Variants in NINL observed in about 807,000 individuals in gnomAD.
The protein encoded by NINL is ninein like.
Under a neutral mutation model 160.3 loss-of-function variants are expected in NINL, and 153 were observed. That is an observed-to-expected ratio of 0.95 (90% CI 0.84 to 1.09). The LOEUF is 1.09. NINL is among the 50% of genes least tolerant of loss of function. The pLI is 0.00. For missense variants in NINL, 1,829 were observed against 1,764.0 expected, an observed-to-expected ratio of 1.04 and a Z score of -0.66; for synonymous variants, 800 against 734.8, an observed-to-expected ratio of 1.09 and a Z score of -1.43.
chr20:25,484,826 T>C (rs2063475580), intron 13 of NINL, among the ~76,000 whole-genome samples: 1 of 152,210 alleles, frequency 6.6e-6, no homozygotes, highest in South Asian at 2.1e-4. Flanking sequence ...AGGCAGTATA[T>C]TTGCATGGTC....
intron 1 of NINL, among the ~76,000 whole-genome samples, chr20:25,550,661 G>A (rs904589626): frequency 6.6e-6 from 1 of 152,178 alleles, no homozygotes; most frequent in Non-Finnish European, 1.5e-5. Context: ...GTGCCTGGAT[G>A]TGCACATAGG....
intron 5 of NINL, among the ~76,000 whole-genome samples, chr20:25,506,219 T>C (rs2063959725): frequency 6.6e-6 from 1 of 152,172 alleles, no homozygotes; most frequent in Admixed American, 6.5e-5. Context: ...CGAGGTCACA[T>C]CACTGCACTC....
intron 1 of NINL, among the ~76,000 whole-genome samples, chr20:25,541,581 C>T (rs1169830295): frequency 6.6e-6 from 1 of 152,146 alleles, no homozygotes; most frequent in Admixed American, 6.5e-5. Flanking sequence ...ATATGTGTAT[C>T]TATATAATTA....
At chr20:25,530,267 T>C (rs2146983806) in intron 1 of NINL, among the ~76,000 whole-genome samples, 1 of 152,310 alleles carries the variant, frequency 6.6e-6, no homozygotes, top group East Asian at 1.9e-4. Flanking sequence ...GACACACATG[T>C]ATTTTCACAT....
At chr20:25,554,628 AAAAAAAAC>A (rs1268617894) in intron 1 of NINL, among the ~76,000 whole-genome samples, 1,295 of 29,808 alleles carry the variant, frequency 0.043, 30 homozygotes, top group East Asian at 0.21. Context: ...CTTTACCAAA[AAAAAAAAC>A]AAAAAAAAAA....
intron 1 of NINL, among the ~76,000 whole-genome samples, chr20:25,528,929 C>T (rs1214444050): frequency 2.0e-5 from 3 of 152,142 alleles, no homozygotes; most frequent in Non-Finnish European, 4.4e-5. Flanking sequence ...CAGTAAATGC[C>T]AGTTCTATAT....
chr20:25,545,929 A>G (rs1396008550), intron 1 of NINL, among the ~76,000 whole-genome samples: 1 of 152,020 alleles, frequency 6.6e-6, no homozygotes, highest in Non-Finnish European at 1.5e-5. Flanking sequence ...GAGGCTCCCT[A>G]AGTATAATGA....
Position 25,469,620 on chromosome 20 carries a change from G to A in NINL, c.3353+371C>T, listed in dbSNP as rs570462283. Reference sequence around the variant, plus strand: ...CTGTTATCAGGAGAGGATCCTAGGAGCACCTCTGACCCCTACAGACACTGT... The same window carrying A: ...CTGTTATCAGGAGAGGATCCTAGGAACACCTCTGACCCCTACAGACACTGT... On this transcript the variant is annotated intron_variant, in intron 18 of 23. Transcript: ENST00000278886. Among the ~76,000 whole-genome samples, 79 of 152,194 alleles carry A rather than the reference G, an allele frequency of 5.2e-4. 2 individuals carry two copies. The highest frequency in any genetic ancestry group is 5.1e-3 in the Admixed American group (78 of 15,288).
chr20:25,539,514 G>A (rs979963581), intron 1 of NINL, among the ~76,000 whole-genome samples: 43 of 152,272 alleles, frequency 2.8e-4, no homozygotes, highest in African/African-American at 1.0e-3. Flanking sequence ...CGCTCCATAC[G>A]GAGACTGCTG....
chr20:25,509,834 G>A (rs1207783673), intron 5 of NINL: 1 of 406,176 alleles, frequency 2.5e-6, no homozygotes, highest in Non-Finnish European at 4.8e-6. Flanking sequence ...TAATGTCAAG[G>A]AAGTATTATA....
At chr20:25,583,673 G>C (rs997864560) in intron 1 of NINL, among the ~76,000 whole-genome samples, 1 of 152,102 alleles carries the variant, frequency 6.6e-6, no homozygotes, top group South Asian at 2.1e-4. Flanking sequence ...ACACATAAAC[G>C]TGTATGTTTA....
intron 5 of NINL, among the ~76,000 whole-genome samples, chr20:25,510,040 A>C (rs929975076): frequency 1.3e-5 from 2 of 152,236 alleles, no homozygotes; most frequent in Non-Finnish European, 1.5e-5. Context: ...TTATCTTCCC[A>C]AAATGCCAGA....
At chr20:25,457,051 C>A (rs930976062) in intron 22 of NINL, among the ~76,000 whole-genome samples, 1 of 150,842 alleles carries the variant, frequency 6.6e-6, no homozygotes, top group East Asian at 2.0e-4. Flanking sequence ...CAGGGCCGGG[C>A]GCAGTGGCTC....
At position 25,453,621 on chromosome 20, in the gene NINL, C is replaced by A; in HGVS notation, c.3979G>T (p.Asp1327Tyr). 2 of 1,607,966 alleles carry A rather than the reference C, an allele frequency of 1.2e-6. No homozygotes were observed. Among genetic ancestry groups the A allele is most frequent in the South Asian group, 1.1e-5 (1 of 90,144 alleles). ...KEQFEKNTKSDLLLKELYVEN... is the reference protein window; with the variant it reads ...KEQFEKNTKSYLLLKELYVEN... ...ACGTACAGCTCCTTCAGCAGCAGGT[C>A]GGACTTCGTGTTCTTTTCAAACTAG... Residue 1327 changes from aspartate to tyrosine, a missense_variant, in exon 24 of 24, where the codon GAC (aspartate) becomes TAC (tyrosine). Transcript: ENST00000278886.
At chr20:25,520,381 A>T (rs894096427) in intron 2 of NINL, among the ~76,000 whole-genome samples, 4 of 152,236 alleles carry the variant, frequency 2.6e-5, no homozygotes, top group African/African-American at 9.6e-5. Context: ...AATTTGCATG[A>T]GCACACCTCT....
Position 25,517,859 on chromosome 20 carries a change from T to C in NINL, c.181-10A>G, listed in dbSNP as rs748934317. 1.5e-5 allele frequency: 23 copies of C among 1,580,652 alleles called. No homozygotes were observed. The highest frequency in any genetic ancestry group is 4.5e-5 in the East Asian group (2 of 44,472). On this transcript the variant is annotated splice_polypyrimidine_tract_variant and intron_variant, in intron 2 of 23. Coordinates refer to ENST00000278886, the MANE Select transcript of NINL (RefSeq NM_025176.6). ...ATTCCTCAAAGTTAACCTGGGTGAATTGAAGGTGAGAGAGGACAATGTCAC... is the reference window on the plus strand; with the variant it reads ...ATTCCTCAAAGTTAACCTGGGTGAACTGAAGGTGAGAGAGGACAATGTCAC...
At chr20:25,473,667 T>TAC (rs1461389047) in intron 17 of NINL, among the ~76,000 whole-genome samples, 48 of 85,744 alleles carry the variant, frequency 5.6e-4, no homozygotes, top group African/African-American at 1.4e-3. Context: ...GTAGTAAAAA[T>TAC]ACACACATAC....
chr20:25,551,079 C>A (rs2064802707), intron 1 of NINL, among the ~76,000 whole-genome samples: 1 of 152,238 alleles, frequency 6.6e-6, no homozygotes, highest in Admixed American at 6.5e-5. Context: ...TGGAGAATGG[C>A]AATGACTTTT....
rs145770114 is a variant in NINL at position 25,470,006 on chromosome 20, G to C, written c.3338C>G (p.Thr1113Ser). Residue 1113 changes from threonine (T) to serine (S), a missense_variant, in exon 18 of 24, where the codon ACT becomes AGT. Physicochemically the swap from Thr to Ser is moderately conservative, Grantham distance 58 (BLOSUM62 1). Coordinates refer to ENST00000278886, the MANE Select transcript of NINL (RefSeq NM_025176.6). The stretch of plus-strand genomic sequence containing the variant: ...TGGCCCTTACCTCTGTGCATCGTGA[G>C]TACTTTCTGCAGCTTCAAGCTCTTG... ...VRQELEAAES[T>S]HDAQRKEIEV... 6.2e-7 allele frequency: 1 copy of C among 1,613,896 alleles called. No individual in the cohort carries two copies. Among genetic ancestry groups the C allele is most frequent in the African/African-American group, 1.3e-5 (1 of 74,954 alleles).
Sources: allele counts gnomAD v4.1 joint callset (sites outside exome capture counted in the v4.1 genomes callset), GRCh38; gene constraint gnomAD v4.1.1; transcripts MANE v1.5; gene names NCBI Gene and HGNC (gene_info 2026-07-23, HGNC 2026-07-21).